The following LAMA5 variants were observed in gnomAD, a reference collection of about 807,000 sequenced individuals.
LAMA5 encodes laminin subunit alpha 5.
LAMA5 carries 260 observed loss-of-function variants against 433.4 expected under a neutral mutation model. The observed-to-expected ratio is 0.60, with a 90% CI of 0.54 to 0.66. LAMA5 has a LOEUF of 0.66. Among genes scored for constraint, LAMA5 ranks in the 30% least tolerant of loss-of-function variants. The pLI is 0.00. For synonymous variants in LAMA5, 2,620 were observed against 2,226.6 expected (o/e 1.18, Z -4.97); for missense variants, 5,378 against 5,258.5 (o/e 1.02, Z -0.70).
chr20:62,320,435 C>T (rs1987557270), intron 50 of LAMA5, 124 bp downstream of exon 50: 7 of 693,712 alleles, frequency 1.0e-5, no homozygotes, highest in African/African-American at 3.6e-5. Context: ...GACTCTCGAG[C>T]TCCTGTCCCC....
At position 62,325,095 on chromosome 20, in the gene LAMA5, C is replaced by T. The variant is rs560790867; in HGVS notation, c.5529+221G>A. ...GAGGGTGTGTGCATGGAGGGGCAGG[C>T]GGATGAGGGGCAGGCAGGCGGACGA... On this transcript the variant is annotated intron_variant, in intron 41 of 79. Coordinates refer to ENST00000252999, the MANE Select transcript of LAMA5 (RefSeq NM_005560.6). 1.7e-3 allele frequency: 970 copies of T among 570,112 alleles called. 4 individuals are homozygous for T. Among genetic ancestry groups the T allele is most frequent in the Middle Eastern group, 0.01 (22 of 2,152 alleles). The allele number at this position is 570,112 out of a possible 1,614,324, so 35.3% of individuals were successfully genotyped here.
rs372810461 is a variant in LAMA5, at chr20:62,312,239, G to A, written c.9438C>T (p.Asn3146=). Residue 3146 remains asparagine, a synonymous_variant, in exon 69 of 80, where the codon AAC becomes AAT. Transcript: ENST00000252999. ...ALSNVAPLTG[N]VYSGFGFHSA... The stretch of plus-strand genomic sequence containing the variant: ...TGTGGAAGCCGAAGCCGGAGTAGAC[G>A]TTGCCAGTGAGCGGTGCCACGTTCG... 63 of 1,610,994 alleles carry A rather than the reference G, an allele frequency of 3.9e-5. No individual in the cohort carries two copies. The highest frequency in any genetic ancestry group is 1.2e-4 in the African/African-American group (9 of 74,916).
At chr20:62,319,944 A>G (rs906296168) in intron 50 of LAMA5, 149 bp from the exon 51 acceptor site, 118 of 552,338 alleles carry the variant, frequency 2.1e-4, no homozygotes, top group Admixed American at 1.3e-3. Context: ...CTTGTTATTT[A>G]TCACTTGTTA....
At chr20:62,320,246 A>C (rs1346607218) in intron 50 of LAMA5, among the ~76,000 whole-genome samples, 1 of 133,178 alleles carries the variant, frequency 7.5e-6, no homozygotes, top group East Asian at 2.5e-4. Context: ...TGAACCCGGG[A>C]GGCAGAGGTT....
intron 51 of LAMA5, 180 bp from the exon 52 acceptor site, chr20:62,319,193 G>A (rs1258809178): frequency 9.8e-6 from 6 of 609,294 alleles, no homozygotes; most frequent in East Asian, 8.5e-5. Context: ...TCACCTGCCC[G>A]GCCCTCACCT....
intron 40 of LAMA5, among the ~76,000 whole-genome samples, chr20:62,326,173 T>C (rs1601331078): frequency 6.6e-6 from 1 of 151,662 alleles, no homozygotes; most frequent in East Asian, 1.9e-4. Context: ...TAAGCCGAGA[T>C]TGCACCACTG....
Position 62,332,569 on chromosome 20 carries a change from G to C in LAMA5, c.3431C>G (p.Pro1144Arg). ...APQQGLLSLH[P>R]CLYSTLCRGT... Reference sequence around the variant, plus strand: ...GGCTCCCACTCACCTGTACAGGCAGGGGTGCAGGGAGAGCAGCCCCTGCTG... The same window carrying C: ...GGCTCCCACTCACCTGTACAGGCAGCGGTGCAGGGAGAGCAGCCCCTGCTG... Residue 1144 changes from proline (P) to arginine (R), a missense_variant, in exon 27 of 80, where the codon CCC becomes CGC. Physicochemically the swap from Pro to Arg is moderately radical, Grantham distance 103. Transcript: ENST00000252999. The C allele has an allele frequency of 6.3e-7, 1 of 1,595,196 alleles. No individual in the cohort carries two copies. Among genetic ancestry groups the C allele is most frequent in the Non-Finnish European group, 8.6e-7 (1 of 1,168,638 alleles).
At chr20:62,317,553 G>C (rs1026134118) in intron 54 of LAMA5, 54 bp from the exon 55 acceptor site, 1 of 1,522,470 alleles carries the variant, frequency 6.6e-7, no homozygotes. Context: ...CCTGATCCAC[G>C]ACCCTGAGGG....
At chr20:62,331,485 T>C (rs1299883257) in intron 28 of LAMA5, among the ~76,000 whole-genome samples, 2 of 152,064 alleles carry the variant, frequency 1.3e-5, no homozygotes, top group Admixed American at 6.5e-5. Flanking sequence ...CACAGGCCTA[T>C]GCGGCTCCTC....
Position 62,317,378 on chromosome 20 carries a change from T to A in LAMA5, c.7478A>T (p.Gln2493Leu), listed in dbSNP as rs1462708277. The A allele has an allele frequency of 3.1e-6, 5 of 1,609,648 alleles. No homozygotes were observed. Among genetic ancestry groups the A allele is most frequent in the Non-Finnish European group, 4.2e-6 (5 of 1,179,242 alleles). ...ATTGAGTGCCAGCTGGCCCAGCTGCTGTGCGTGGGCCTCGGCGGCCTCCAC... is the reference window on the plus strand; with the variant it reads ...ATTGAGTGCCAGCTGGCCCAGCTGCAGTGCGTGGGCCTCGGCGGCCTCCAC... The part of the protein sequence containing the change: ...RLVEAAEAHA[Q>L]QLGQLALNLS... Residue 2493 changes from glutamine to leucine, a missense_variant, in exon 55 of 80, where the codon CAG becomes CTG. Gln to Leu is a moderately radical substitution (Grantham distance 113). Coordinates refer to ENST00000252999, the MANE Select transcript of LAMA5 (RefSeq NM_005560.6).
At chr20:62,335,799 A>AC (rs1234589724) in intron 18 of LAMA5, among the ~76,000 whole-genome samples, 4 of 88,848 alleles carry the variant, frequency 4.5e-5, no homozygotes, top group Admixed American at 1.2e-4. Context: ...CCACGCAGGA[A>AC]CCCCCTGCAC....
chr20:62,323,813 G>A lies in LAMA5; in HGVS notation c.5812C>T (p.Leu1938Phe), dbSNP rs1359904735. ...GCACCTGCATAACCAGGTTTGCAGA[G>A]GCACTGGGTGCGGCCGCCTCGCAGG... ...CVLRGGRTQCLCKPGYAGASC... is the reference protein window; with the variant it reads ...CVLRGGRTQCFCKPGYAGASC... The change falls in exon 44 of 80, where the codon CTC (leucine) becomes TTC (phenylalanine). Residue 1938 changes from leucine (L) to phenylalanine (F), a missense_variant. Physicochemically the swap from Leu to Phe is conservative, Grantham distance 22. Coordinates refer to ENST00000252999, the MANE Select transcript of LAMA5 (RefSeq NM_005560.6). 8 of 1,610,590 alleles carry A rather than the reference G, an allele frequency of 5.0e-6. No individual in the cohort carries two copies. The highest frequency in any genetic ancestry group is 6.8e-6 in the Non-Finnish European group (8 of 1,179,036).
At chr20:62,354,400 C>T (rs567161619) in intron 2 of LAMA5, among the ~76,000 whole-genome samples, 1 of 149,986 alleles carries the variant, frequency 6.7e-6, no homozygotes, top group South Asian at 2.2e-4. Context: ...AGGCCTGAGC[C>T]TCTCCTGCCC....
chr20:62,363,865 C>T (rs925292286), intron 1 of LAMA5, among the ~76,000 whole-genome samples: 5 of 152,230 alleles, frequency 3.3e-5, no homozygotes, highest in East Asian at 1.9e-4. Flanking sequence ...GGGCAACACC[C>T]GGTACCCCTC....
intron 11 of LAMA5, chr20:62,345,565 C>A: frequency 1.6e-6 from 1 of 633,456 alleles, no homozygotes; most frequent in South Asian, 1.6e-5. Flanking sequence ...CATCACTACA[C>A]CCAGCTAATT....
chr20:62,314,921 G>C lies in LAMA5; in HGVS notation c.8074C>G (p.Gln2692Glu), dbSNP rs772919915. Reference sequence around the variant, plus strand: ...AGGATGCTCAGCTTGGCCAGCAGCTGGGGCAGCGTCTTCTCCAGGGTGGAC... The same window carrying C: ...AGGATGCTCAGCTTGGCCAGCAGCTCGGGCAGCGTCTTCTCCAGGGTGGAC... ...SVSTLEKTLP[Q>E]LLAKLSILEN... is the part of the protein sequence containing the mutation. The change falls in exon 60 of 80, where the codon CAG becomes GAG. Residue 2692 changes from glutamine to glutamate, a missense_variant. Gln to Glu is a conservative substitution (Grantham distance 29). Coordinates refer to ENST00000252999, the MANE Select transcript of LAMA5 (RefSeq NM_005560.6). 6.2e-7 allele frequency: 1 copy of C among 1,606,204 alleles called. No individual in the cohort carries two copies. The highest frequency in any genetic ancestry group is 8.5e-7 in the Non-Finnish European group (1 of 1,178,496).
chr20:62,313,708 G>A lies in LAMA5; in HGVS notation c.8599C>T (p.Leu2867Phe), dbSNP rs150255448. Residue 2867 changes from leucine (L) to phenylalanine (F), a missense_variant, in exon 63 of 80, where the codon CTC (leucine) becomes TTC (phenylalanine). Coordinates refer to ENST00000252999, the MANE Select transcript of LAMA5 (RefSeq NM_005560.6). ...ACGAAGTCGTCTGGCCGCAGGTTGAGCAGCCCCTCTGCCCCAGGGGCCACC... is the reference window on the plus strand; with the variant it reads ...ACGAAGTCGTCTGGCCGCAGGTTGAACAGCCCCTCTGCCCCAGGGGCCACC... ...DTVAPGAEGL[L>F]NLRPDDFVFY... 114 of 1,612,782 alleles carry A rather than the reference G, an allele frequency of 7.1e-5. No homozygotes were observed. Among genetic ancestry groups the A allele is most frequent in the Non-Finnish European group, 9.2e-5 (109 of 1,179,974 alleles).
At chr20:62,325,270 G>T in intron 41 of LAMA5, 46 bp downstream of exon 41, 1 of 1,279,906 alleles carries the variant, frequency 7.8e-7, no homozygotes, top group Non-Finnish European at 1.1e-6. Context: ...AGGGAAGGGT[G>T]TGCACAGGTG....
At chr20:62,361,836 C>T (rs1357583017) in intron 2 of LAMA5, among the ~76,000 whole-genome samples, 6 of 152,232 alleles carry the variant, frequency 3.9e-5, no homozygotes, top group East Asian at 1.9e-4. Flanking sequence ...TTTCACTCTT[C>T]GCTTGGAGGC....
Sources: allele counts gnomAD v4.1 joint callset (sites outside exome capture counted in the v4.1 genomes callset), GRCh38; gene constraint gnomAD v4.1.1; transcripts MANE v1.5; gene names NCBI Gene and HGNC (gene_info 2026-07-23, HGNC 2026-07-21).